The following NUDT2 variants were observed in gnomAD, a reference collection of about 807,000 sequenced individuals.
NUDT2 encodes the protein nudix hydrolase 2, also known as bis(5'-nucleosyl)-tetraphosphatase [asymmetrical].
NUDT2 carries 12 observed loss-of-function variants against 14.2 expected under a neutral mutation model. The ratio of observed to expected loss-of-function variants is 0.84; its 90% CI spans 0.54 to 1.37. The LOEUF (loss-of-function observed/expected upper bound fraction) is 1.37, where lower values mean the gene tolerates loss of function less well. Among genes scored for constraint, NUDT2 ranks in the 40% most tolerant of loss-of-function variants. The probability of loss-of-function intolerance (pLI) is 0.00; values close to 1 mark genes in which losing one functional copy is unlikely to be tolerated. For missense variants in NUDT2, 167 were observed against 176.7 expected, an observed-to-expected ratio of 0.95 and a Z score of 0.31; for synonymous variants, 67 against 67.4, an observed-to-expected ratio of 0.99 and a Z score of 0.03.
At chr9:34,338,311 AGT>A (rs984957362) in intron 2 of NUDT2, among the ~76,000 whole-genome samples, 1 of 125,888 alleles carries the variant, frequency 7.9e-6, no homozygotes, top group African/African-American at 3.0e-5. Context: ...TGGGCAATAT[AGT>A]GAGACCCTGT....
intron 4 of NUDT2, among the ~76,000 whole-genome samples, chr9:34,340,839 G>T: frequency 6.6e-6 from 1 of 152,222 alleles, no homozygotes; most frequent in Non-Finnish European, 1.5e-5. Context: ...AAATTATTTT[G>T]TTATTATTAT....
rs745748055 is a variant in NUDT2 at position 34,339,007 on chromosome 9, G to T, written c.-16-17G>T. ...ATTTTGTGTAACTTCCCAATATTCT[G>T]TATCTTCTTTGTTAAGTCCTTAGGA... On this transcript the variant is annotated splice_polypyrimidine_tract_variant and intron_variant, in intron 3 of 4. Coordinates refer to ENST00000379158, the MANE Select transcript of NUDT2 (RefSeq NM_001161.5). The T allele has an allele frequency of 7.5e-6, 12 of 1,595,220 alleles. No individual in the cohort carries two copies. The highest frequency in any genetic ancestry group is 8.6e-6 in the Non-Finnish European group (10 of 1,165,366).
intron 4 of NUDT2, among the ~76,000 whole-genome samples, chr9:34,342,573 A>G (rs1334767700): frequency 6.6e-6 from 1 of 152,164 alleles, no homozygotes; most frequent in Non-Finnish European, 1.5e-5. Flanking sequence ...CTTGCTATAC[A>G]CATGGTCTGT....
chr9:34,343,286 A>T lies in NUDT2; in HGVS notation c.290A>T (p.Glu97Val). 1 of 1,611,740 alleles carries T rather than the reference A, an allele frequency of 6.2e-7. No individual in the cohort carries two copies. The highest frequency in any genetic ancestry group is 8.5e-7 in the Non-Finnish European group (1 of 1,179,406). Residue 97 changes from glutamate to valine, a missense_variant, in exon 5 of 5, where the codon GAG becomes GTG. Transcript: ENST00000379158. ...KPKTVIYWLA[E>V]VKDYDVEIRL... The stretch of plus-strand genomic sequence containing the variant: ...AAAACAGTCATTTACTGGCTGGCGG[A>T]GGTGAAGGACTATGACGTGGAGATC...
intron 2 of NUDT2, 88 bp downstream of exon 2, chr9:34,336,429 T>C (rs2131856825): frequency 6.6e-6 from 1 of 152,334 alleles, no homozygotes; most frequent in Non-Finnish European, 1.5e-5. Flanking sequence ...TATATATGAA[T>C]TTGTAAACTC....
chr9:34,341,660 C>G (rs1300178244), intron 4 of NUDT2, among the ~76,000 whole-genome samples: 2 of 152,230 alleles, frequency 1.3e-5, no homozygotes, highest in African/African-American at 2.4e-5. Context: ...CAGATGTCCA[C>G]TGCCACGCCC....
intron 1 of NUDT2, among the ~76,000 whole-genome samples, chr9:34,333,093 C>A (rs1184139848): frequency 1.3e-5 from 2 of 152,104 alleles, no homozygotes; most frequent in African/African-American, 4.8e-5. Flanking sequence ...CACTAGTGCC[C>A]TAAGTTAAGT....
Position 34,343,108 on chromosome 9 carries a change from C to G in NUDT2, c.128-16C>G, listed in dbSNP as rs201530013. ...AAGATTTCCTCCTCCTTTTCTTCCT[C>G]TTTTCTCCTAACTAGGCCATGTGGA... On this transcript the variant is annotated splice_polypyrimidine_tract_variant and intron_variant, in intron 4 of 4. Transcript: ENST00000379158. 1.0e-5 allele frequency: 16 copies of G among 1,576,306 alleles called. No individual in the cohort carries two copies. The African/African-American group carries it at 2.2e-4, about 21-fold the overall frequency.
chr9:34,332,496 C>T (rs1837970941), intron 1 of NUDT2, among the ~76,000 whole-genome samples: 1 of 152,216 alleles, frequency 6.6e-6, no homozygotes, highest in Non-Finnish European at 1.5e-5. Context: ...TTCACACTGT[C>T]TGTCGCATGG....
At chr9:34,337,415 C>CT (rs1335389379) in intron 2 of NUDT2, among the ~76,000 whole-genome samples, 1 of 152,132 alleles carries the variant, frequency 6.6e-6, no homozygotes, top group African/African-American at 2.4e-5. Flanking sequence ...AATGGCCCTC[C>CT]TAAGGGGATA....
chr9:34,343,266 A>C lies in NUDT2; in HGVS notation c.270A>C (p.Thr90=). The part of the protein sequence containing the change: ...LNYVARNKPK[T]VIYWLAEVKD... ...ATGTGGCCAGGAACAAGCCTAAAAC[A>C]GTCATTTACTGGCTGGCGGAGGTGA... The change falls in exon 5 of 5, where the codon ACA becomes ACC. Residue 90 remains threonine (T), a synonymous_variant. Coordinates refer to ENST00000379158, the MANE Select transcript of NUDT2 (RefSeq NM_001161.5). 1.9e-6 allele frequency: 3 copies of C among 1,614,064 alleles called. No homozygotes were observed. The highest frequency in any genetic ancestry group is 2.5e-6 in the Non-Finnish European group (3 of 1,180,004).
rs1820231008 is a variant in NUDT2, at chr9:34,343,024, A to G, written c.128-100A>G. On this transcript the variant is annotated intron_variant, in intron 4 of 4. Coordinates refer to ENST00000379158, the MANE Select transcript of NUDT2 (RefSeq NM_001161.5). ...GGGCAACAGAGTGAGTCCCTGTCTC[A>G]AAGCAAAACAGAAAAAAAAAAAAAT... 5 of 1,151,504 alleles carry G rather than the reference A, an allele frequency of 4.3e-6. No homozygotes were observed. The East Asian group carries it at 1.2e-4, about 27-fold the overall frequency. 71.3% of individuals were successfully genotyped at this position (1,151,504 alleles called of 1,614,324 possible).
rs772961148 is a variant in NUDT2 at position 34,343,279 on chromosome 9, C to T, written c.283C>T (p.Leu95=). The T allele has an allele frequency of 6.8e-6, 11 of 1,612,064 alleles. No individual in the cohort carries two copies. Among genetic ancestry groups the T allele is most frequent in the Admixed American group, 1.7e-5 (1 of 59,922 alleles). ...CAAGCCTAAAACAGTCATTTACTGG[C>T]TGGCGGAGGTGAAGGACTATGACGT... The part of the protein sequence containing the change: ...RNKPKTVIYW[L]AEVKDYDVEI... The change falls in exon 5 of 5, where the codon CTG becomes TTG. Residue 95 remains leucine (L), a synonymous_variant. Coordinates refer to ENST00000379158, the MANE Select transcript of NUDT2 (RefSeq NM_001161.5).
intron 2 of NUDT2, among the ~76,000 whole-genome samples, chr9:34,337,249 CT>C (rs1563973579): frequency 6.6e-6 from 1 of 152,152 alleles, no homozygotes; most frequent in Non-Finnish European, 1.5e-5. Flanking sequence ...ATCTACCCGC[CT>C]TGGCCTCCCA....
At position 34,335,002 on chromosome 9, in the gene NUDT2, C is replaced by G. The variant is rs1587989507; in HGVS notation, c.-264-1227C>G. ...ACCAGGCATAGTGGCAGTACCTGTACTTTCTCTCTGATCTGGCTCACCTTG... is the reference window on the plus strand; with the variant it reads ...ACCAGGCATAGTGGCAGTACCTGTAGTTTCTCTCTGATCTGGCTCACCTTG... On this transcript the variant is annotated intron_variant, in intron 1 of 4. Transcript: ENST00000379158. Among the ~76,000 whole-genome samples the G allele has an allele frequency of 2.0e-5, 3 of 152,192 alleles. No homozygotes were observed. The East Asian group carries it at 5.8e-4, about 29-fold the overall frequency.
At chr9:34,331,886 G>A (rs2131851606) in intron 1 of NUDT2, among the ~76,000 whole-genome samples, 1 of 152,136 alleles carries the variant, frequency 6.6e-6, no homozygotes, top group Middle Eastern at 3.4e-3. Flanking sequence ...TCTTTCCCTT[G>A]GCTTATGAAA....
At chr9:34,336,996 CTT>C (rs145996244) in intron 2 of NUDT2, among the ~76,000 whole-genome samples, 9 of 109,202 alleles carry the variant, frequency 8.2e-5, no homozygotes, top group East Asian at 2.8e-4. Flanking sequence ...ATATGTACAT[CTT>C]TTTTTTTTTT....
intron 2 of NUDT2, among the ~76,000 whole-genome samples, 173 bp from the exon 3 acceptor site, chr9:34,338,540 T>C (rs1157710923): frequency 6.9e-6 from 1 of 144,964 alleles, no homozygotes; most frequent in Non-Finnish European, 1.5e-5. Flanking sequence ...AAATATTTTT[T>C]TCTATATGAA....
At chr9:34,338,249 T>C (rs1380609137) in intron 2 of NUDT2, among the ~76,000 whole-genome samples, 3 of 132,706 alleles carry the variant, frequency 2.3e-5, no homozygotes, top group East Asian at 2.2e-4. Flanking sequence ...TCCCAACACA[T>C]TGGGAGGCTG....
Sources: gnomAD v4.1 joint callset for allele counts (sites outside exome capture counted in the v4.1 genomes callset) on GRCh38, gnomAD v4.1.1 for gene constraint, MANE v1.5 for transcripts, NCBI Gene and HGNC (gene_info 2026-07-23, HGNC 2026-07-21) for gene names.